The following PTPRQ variants were observed in gnomAD, a reference collection of about 807,000 sequenced individuals.
PTPRQ encodes phosphatidylinositol phosphatase PTPRQ.
Under a neutral mutation model 246.0 loss-of-function variants are expected in PTPRQ, and 199 were observed. The ratio of observed to expected loss-of-function variants is 0.81; its 90% CI spans 0.72 to 0.91. The LOEUF is 0.91. Ranked by LOEUF, PTPRQ falls within the 40% of genes least tolerant of loss-of-function variation. The pLI, the probability that PTPRQ is intolerant of heterozygous loss-of-function variation, is 0.00. For synonymous variants in PTPRQ, 869 were observed against 853.2 expected (o/e 1.02, Z -0.32); for missense variants, 2,624 against 2,528.4 (o/e 1.04, Z -0.81).
At chr12:80,673,383 G>A (rs1901035157) in intron 43 of PTPRQ, 79 bp downstream of exon 43, 2 of 1,496,192 alleles carry the variant, frequency 1.3e-6, no homozygotes, top group African/African-American at 1.4e-5. Flanking sequence ...CAATCTGGAT[G>A]GACATGAGCT....
chr12:80,467,630 G>A (rs1321637399), intron 6 of PTPRQ, among the ~76,000 whole-genome samples: 1 of 152,020 alleles, frequency 6.6e-6, no homozygotes, highest in Non-Finnish European at 1.5e-5. Context: ...ATGATAGACT[G>A]GATTAAGAAA....
At chr12:80,572,093 A>T (rs528303030) in intron 25 of PTPRQ, among the ~76,000 whole-genome samples, 6 of 152,188 alleles carry the variant, frequency 3.9e-5, no homozygotes, top group Admixed American at 3.9e-4. Context: ...ATTGCATCAG[A>T]TCTATATACA....
intron 25 of PTPRQ, among the ~76,000 whole-genome samples, chr12:80,559,730 T>A (rs1261734497): frequency 6.6e-6 from 1 of 152,208 alleles, no homozygotes; most frequent in Admixed American, 6.5e-5. Flanking sequence ...AGATATACAT[T>A]TGAATTAAAT....
At chr12:80,574,039 T>C (rs1383023660) in intron 25 of PTPRQ, among the ~76,000 whole-genome samples, 1 of 152,212 alleles carries the variant, frequency 6.6e-6, no homozygotes, top group Non-Finnish European at 1.5e-5. Flanking sequence ...CTTTCAGTTC[T>C]GTCCAGGTTT....
In PTPRQ at chr12:80,539,822, T is replaced by C; in HGVS notation, c.3032T>C (p.Val1011Ala). 1 of 1,548,124 alleles carries C rather than the reference T, an allele frequency of 6.5e-7. No homozygotes were observed. Among genetic ancestry groups the C allele is most frequent in the Non-Finnish European group, 8.7e-7 (1 of 1,145,640 alleles). Residue 1011 changes from valine to alanine, a missense_variant, in exon 20 of 45, where the codon GTA (valine) becomes GCA (alanine). By Grantham distance (64) the Val-to-Ala change is moderately conservative. Coordinates refer to ENST00000644991, the MANE Select transcript of PTPRQ (RefSeq NM_001145026.2). ...ACCAATGACTTTGACAATATGACTG[T>C]ATCCACAATTATAGATAAACTGACA... Reference protein sequence around the residue: ...EVTNDFDNMTVSTIIDKLTIF... With the variant: ...EVTNDFDNMTASTIIDKLTIF...
Position 80,534,941 on chromosome 12 carries a change from A to T in PTPRQ, c.2889A>T (p.Ser963=). The change falls in exon 19 of 45, where the codon TCA becomes TCT. Residue 963 remains serine, a synonymous_variant. Coordinates refer to ENST00000644991, the MANE Select transcript of PTPRQ (RefSeq NM_001145026.2). The part of the protein sequence containing the change: ...KDVYYANLSS[S]SIILFWTPPS... ...TTTATTATGCAAACCTCAGTTCTTC[A>T]TCAATAATTCTTTTCTGGACACCTC... The T allele has an allele frequency of 6.5e-7, 1 of 1,550,342 alleles. No homozygotes were observed. Among genetic ancestry groups the T allele is most frequent in the Non-Finnish European group, 8.7e-7 (1 of 1,146,376 alleles).
At chr12:80,611,597 C>CA (rs1898553892) in intron 28 of PTPRQ, among the ~76,000 whole-genome samples, 1 of 150,304 alleles carries the variant, frequency 6.7e-6, no homozygotes, top group Non-Finnish European at 1.5e-5. Flanking sequence ...TGAATGTACT[C>CA]ACATTTATAC....
At chr12:80,674,126 G>A (rs1657982060) in intron 43 of PTPRQ, among the ~76,000 whole-genome samples, 1 of 152,086 alleles carries the variant, frequency 6.6e-6, no homozygotes, top group African/African-American at 2.4e-5. Context: ...GCCCTAGTCT[G>A]TATAACTACA....
intron 42 of PTPRQ, 122 bp from the exon 43 acceptor site, chr12:80,673,047 C>A: frequency 7.3e-7 from 1 of 1,367,328 alleles, no homozygotes; most frequent in Admixed American, 3.1e-5. Flanking sequence ...CAAAGAAAAT[C>A]TGCCTCCAAA....
chr12:80,617,882 G>C (rs1038096392), intron 30 of PTPRQ, among the ~76,000 whole-genome samples: 2 of 151,188 alleles, frequency 1.3e-5, no homozygotes, highest in African/African-American at 4.8e-5. Flanking sequence ...CTTTTCCTGG[G>C]GACTCCCAAG....
intron 35 of PTPRQ, among the ~76,000 whole-genome samples, chr12:80,646,918 A>C (rs1255019281): frequency 6.6e-6 from 1 of 152,228 alleles, no homozygotes; most frequent in African/African-American, 2.4e-5. Flanking sequence ...AGAGATGATT[A>C]AAGAAGAGCA....
At chr12:80,674,864 T>C (rs2121295477) in intron 43 of PTPRQ, among the ~76,000 whole-genome samples, 1 of 152,262 alleles carries the variant, frequency 6.6e-6, no homozygotes, top group Admixed American at 6.5e-5. Context: ...TGATTACATG[T>C]TGTTATTTTT....
At chr12:80,451,219 G>A (rs1220745685) in intron 3 of PTPRQ, among the ~76,000 whole-genome samples, 4 of 150,278 alleles carry the variant, frequency 2.7e-5, no homozygotes, top group African/African-American at 9.8e-5. Context: ...GGGATCAGTG[G>A]TAATATCCCC....
intron 39 of PTPRQ, among the ~76,000 whole-genome samples, chr12:80,662,457 GTTCAAA>G (rs934149803): frequency 5.3e-5 from 8 of 152,034 alleles, no homozygotes; most frequent in African/African-American, 1.9e-4. Context: ...ATGGACCTGA[GTTCAAA>G]TTCCTTCTCT....
rs1160588156 is a variant in PTPRQ at position 80,649,680 on chromosome 12, A to G, written c.6024+11A>G. 1.3e-6 allele frequency: 2 copies of G among 1,545,092 alleles called. No individual in the cohort carries two copies. Among genetic ancestry groups the G allele is most frequent in the Admixed American group, 2.0e-5 (1 of 50,266 alleles). ...CAAGAAGAATTTTCGGTATGTTACT[A>G]GCAGTTGTCACAACATTGCAAGACC... On this transcript the variant is annotated intron_variant, in intron 37 of 44. Transcript: ENST00000644991.
chr12:80,483,596 T>A lies in PTPRQ; in HGVS notation c.1187-837T>A, dbSNP rs532805292. Among the ~76,000 whole-genome samples the A allele has an allele frequency of 8.5e-5, 13 of 152,188 alleles. No individual in the cohort carries two copies. The South Asian group carries it at 2.7e-3, about 32-fold the overall frequency. On this transcript the variant is annotated intron_variant, in intron 8 of 44. Coordinates refer to ENST00000644991, the MANE Select transcript of PTPRQ (RefSeq NM_001145026.2). Reference sequence around the variant, plus strand: ...TAAAGACATTTAATTTAACAAAAATTTATTATACTTTCAGTTCTGGGGTAC... The same window carrying A: ...TAAAGACATTTAATTTAACAAAAATATATTATACTTTCAGTTCTGGGGTAC...
chr12:80,610,561 C>T lies in PTPRQ; in HGVS notation c.4854C>T (p.Asn1618=). 3 of 1,543,600 alleles carry T rather than the reference C, an allele frequency of 1.9e-6. No individual in the cohort carries two copies. The highest frequency in any genetic ancestry group is 2.6e-6 in the Non-Finnish European group (3 of 1,141,392). The change falls in exon 28 of 45, where the codon AAC becomes AAT. Residue 1618 remains asparagine (N), a synonymous_variant. Transcript: ENST00000644991. ...YSVVITAFTG[N]ISAAYVEGKS... Reference sequence around the variant, plus strand: ...TAGTGATCACTGCATTTACTGGGAACATTAGTGCTGCATATGTAGAAGGGA... The same window carrying T: ...TAGTGATCACTGCATTTACTGGGAATATTAGTGCTGCATATGTAGAAGGGA...
At chr12:80,449,091 A>G (rs936084592) in intron 3 of PTPRQ, among the ~76,000 whole-genome samples, 15 of 151,416 alleles carry the variant, frequency 9.9e-5, no homozygotes, top group African/African-American at 1.5e-4. Context: ...ATGGTATCTC[A>G]TTGTGGTTTT....
rs1381101071 is a variant in PTPRQ at position 80,472,304 on chromosome 12, G to T, written c.1186+53G>T. ...TTTTTGGTATGCTTATGAACTTCAT[G>T]AATTGGTAAAACATGATATTAGAAG... On this transcript the variant is annotated intron_variant, in intron 8 of 44. Coordinates refer to ENST00000644991, the MANE Select transcript of PTPRQ (RefSeq NM_001145026.2). The T allele has an allele frequency of 2.6e-6, 4 of 1,534,496 alleles. No individual in the cohort carries two copies. In the East Asian group the frequency reaches 9.8e-5, roughly 38 times the overall value.
Sources: allele counts gnomAD v4.1 joint callset (sites outside exome capture counted in the v4.1 genomes callset), GRCh38; gene constraint gnomAD v4.1.1; transcripts MANE v1.5; gene names NCBI Gene and HGNC (gene_info 2026-07-23, HGNC 2026-07-21).